Variants in NOS1 observed in about 807,000 individuals in gnomAD.
The protein encoded by NOS1 is nitric oxide synthase 1.
Under a neutral mutation model 164.5 loss-of-function variants are expected in NOS1, and 51 were observed. That is an observed-to-expected ratio of 0.31 (90% CI 0.25 to 0.39). NOS1 has a LOEUF of 0.39. NOS1 is among the 10% of genes least tolerant of loss of function. NOS1 has a pLI of 1.00. For synonymous variants in NOS1, 719 were observed against 745.8 expected, an observed-to-expected ratio of 0.96 and a Z score of 0.59; for missense variants, 1,362 against 1,885.6, an observed-to-expected ratio of 0.72 and a Z score of 5.14.
chr12:117,300,006 T>G (rs1325497168), intron 3 of NOS1, among the ~76,000 whole-genome samples: 1 of 152,196 alleles, frequency 6.6e-6, no homozygotes, highest in Non-Finnish European at 1.5e-5. Flanking sequence ...ACTGTGTTTG[T>G]TTGTTGAAAG....
chr12:117,353,959 GA>G (rs1242342089), intron 1 of NOS1, among the ~76,000 whole-genome samples: 1 of 152,026 alleles, frequency 6.6e-6, no homozygotes, highest in Admixed American at 6.6e-5. Flanking sequence ...AAACAACAAT[GA>G]AAAAACCAAT....
At chr12:117,352,143 A>C (rs1176838262) in intron 1 of NOS1, among the ~76,000 whole-genome samples, 1 of 152,154 alleles carries the variant, frequency 6.6e-6, no homozygotes, top group Non-Finnish European at 1.5e-5. Context: ...ACTGCACTCC[A>C]GCCTGGGTGA....
At chr12:117,333,524 C>T (rs1048545008) in intron 1 of NOS1, among the ~76,000 whole-genome samples, 3 of 152,144 alleles carry the variant, frequency 2.0e-5, no homozygotes, top group South Asian at 2.1e-4. Context: ...TCCTGGATCC[C>T]CTCAATGGGG....
intron 3 of NOS1, among the ~76,000 whole-genome samples, chr12:117,301,574 C>T (rs1458703397): frequency 1.3e-5 from 2 of 152,100 alleles, no homozygotes; most frequent in Non-Finnish European, 2.9e-5. Flanking sequence ...CGTGGCTATC[C>T]CCAAATTAAT....
chr12:117,261,278 G>C (rs1485953623), intron 13 of NOS1, among the ~76,000 whole-genome samples: 1 of 151,520 alleles, frequency 6.6e-6, no homozygotes, highest in Non-Finnish European at 1.5e-5. Flanking sequence ...ATTGATCCCA[G>C]GCTTAAGAAC....
chr12:117,214,571 G>A lies in NOS1; in HGVS notation c.*738C>T, dbSNP rs1224354481. 1.0e-6 allele frequency: 1 copy of A among 985,250 alleles called. No homozygotes were observed. Among genetic ancestry groups the A allele is most frequent in the African/African-American group, 1.7e-5 (1 of 57,198 alleles). 61.0% of individuals were successfully genotyped at this position (985,250 alleles called of 1,614,324 possible). A position where few individuals can be genotyped will look rare whatever the true frequency, so the allele number is the denominator to read the frequency against. On this transcript the variant is annotated 3_prime_UTR_variant, in exon 29 of 29. Transcript: ENST00000317775. Reference sequence around the variant, plus strand: ...TCAAAATCTAAATGCAGCAAATTCTGGGAATGCCTCTTTCATTGGGAGACA... The same window carrying A: ...TCAAAATCTAAATGCAGCAAATTCTAGGAATGCCTCTTTCATTGGGAGACA...
At chr12:117,231,589 CA>C (rs2135939626) in intron 22 of NOS1, among the ~76,000 whole-genome samples, 1 of 152,030 alleles carries the variant, frequency 6.6e-6, no homozygotes, top group East Asian at 1.9e-4. Context: ...ATTAAAAAAA[CA>C]AAAAACAAGA....
chr12:117,354,399 A>G (rs1303403762), intron 1 of NOS1, among the ~76,000 whole-genome samples: 1 of 149,588 alleles, frequency 6.7e-6, no homozygotes, highest in East Asian at 1.9e-4. Context: ...ATTGCCAGCT[A>G]AGACTTATAA....
At chr12:117,311,720 G>C (rs892176659) in intron 2 of NOS1, 128 bp from the exon 3 acceptor site, 2 of 1,007,942 alleles carry the variant, frequency 2.0e-6, no homozygotes, top group Non-Finnish European at 2.8e-6. Context: ...ATGAGCCAGC[G>C]AGCTTTGGGT....
At chr12:117,307,509 C>T (rs180686693) in intron 3 of NOS1, among the ~76,000 whole-genome samples, 7 of 152,124 alleles carry the variant, frequency 4.6e-5, no homozygotes, top group East Asian at 1.9e-4. Flanking sequence ...TACAGGTGCA[C>T]GCCACCAGGC....
chr12:117,259,123 G>A lies in NOS1; in HGVS notation c.2375C>T (p.Ser792Phe). ...FKHAFDAKVM[S>F]MEEYDIVHLE... ...GTGCACAATGTCATATTCTTCCATG[G>A]ACATCACCTAGGTGGGCAGGGCACA... The change falls in exon 15 of 29, where the codon TCC becomes TTC. Residue 792 changes from serine to phenylalanine, a missense_variant. By Grantham distance (155) the Ser-to-Phe change is radical (BLOSUM62 -2). Coordinates refer to ENST00000317775, the MANE Select transcript of NOS1 (RefSeq NM_000620.5). 2 of 1,612,882 alleles carry A rather than the reference G, an allele frequency of 1.2e-6. No homozygotes were observed. The highest frequency in any genetic ancestry group is 1.7e-6 in the Non-Finnish European group (2 of 1,178,924).
At chr12:117,320,615 T>C (rs888415015) in intron 2 of NOS1, among the ~76,000 whole-genome samples, 1 of 152,176 alleles carries the variant, frequency 6.6e-6, no homozygotes, top group Non-Finnish European at 1.5e-5. Context: ...TGATTTGTTA[T>C]GCAGCCATAG....
At position 117,209,572 on chromosome 12, in the gene NOS1, A is replaced by T; in HGVS notation, c.*5737T>A. 1.0e-6 allele frequency: 1 copy of T among 985,522 alleles called. No individual in the cohort carries two copies. Among genetic ancestry groups the T allele is most frequent in the Non-Finnish European group, 1.2e-6 (1 of 829,968 alleles). 61.0% of individuals were successfully genotyped at this position (985,522 alleles called of 1,614,324 possible). A position where few individuals can be genotyped will look rare whatever the true frequency, so the allele number is the denominator to read the frequency against. On this transcript the variant is annotated 3_prime_UTR_variant, in exon 29 of 29. Transcript: ENST00000317775. ...ACTGTGTTTTGGGCCAGACGGGCAT[A>T]GCCCCGCTTGACCAGAACTGTTTGG...
chr12:117,226,603 G>T, intron 24 of NOS1, 80 bp downstream of exon 24: 1 of 1,261,686 alleles, frequency 7.9e-7, no homozygotes, highest in Non-Finnish European at 1.2e-6. Flanking sequence ...GAACCCTTCA[G>T]ACTGGTCCAC....
At chr12:117,268,577 C>T (rs1423521355) in intron 10 of NOS1, among the ~76,000 whole-genome samples, 1 of 145,416 alleles carries the variant, frequency 6.9e-6, no homozygotes, top group East Asian at 2.1e-4. Context: ...GACTAATGAA[C>T]TCACTCATTC....
At position 117,211,250 on chromosome 12, in the gene NOS1, G is replaced by A. The variant is rs539482233; in HGVS notation, c.*4059C>T. On this transcript the variant is annotated 3_prime_UTR_variant, in exon 29 of 29. Transcript: ENST00000317775. ...TGGGATTACAGACATGAGCTACCGC[G>A]CCCAGCCTGCAAGATGCTTTAATTT... 260 of 985,258 alleles carry A rather than the reference G, an allele frequency of 2.6e-4. No homozygotes were observed. Among genetic ancestry groups the A allele is most frequent in the Admixed American group, 1.5e-3 (25 of 16,246 alleles). 61.0% of individuals were successfully genotyped at this position (985,258 alleles called of 1,614,324 possible). A position where few individuals can be genotyped will look rare whatever the true frequency, so the allele number is the denominator to read the frequency against.
At chr12:117,238,362 G>A (rs1161772732) in intron 20 of NOS1, among the ~76,000 whole-genome samples, 7 of 152,122 alleles carry the variant, frequency 4.6e-5, no homozygotes, top group African/African-American at 1.7e-4. Flanking sequence ...ATGCAAATGG[G>A]ACGCCTGGTC....
intron 2 of NOS1, among the ~76,000 whole-genome samples, chr12:117,326,715 C>A (rs1343060316): frequency 6.6e-6 from 1 of 152,214 alleles, no homozygotes; most frequent in Non-Finnish European, 1.5e-5. Context: ...GAAAATAGGT[C>A]TGCAGGGGCA....
At chr12:117,280,946 G>A in intron 7 of NOS1, 80 bp from the exon 8 acceptor site, 4 of 1,507,018 alleles carry the variant, frequency 2.7e-6, no homozygotes, top group Non-Finnish European at 3.6e-6. Flanking sequence ...CGCCACCCAG[G>A]GCGACAGCTG....
Sources: gnomAD v4.1 joint callset for allele counts (sites outside exome capture counted in the v4.1 genomes callset) on GRCh38, gnomAD v4.1.1 for gene constraint, MANE v1.5 for transcripts, NCBI Gene and HGNC (gene_info 2026-07-23, HGNC 2026-07-21) for gene names.